The following DNAJB6 variants were observed in gnomAD, a reference collection of about 807,000 sequenced individuals.
The protein encoded by DNAJB6 is dnaJ homolog subfamily B member 6.
In DNAJB6, 16 loss-of-function variants were observed where a neutral mutation model predicts 42.7. The observed-to-expected ratio is 0.37, with a 90% CI of 0.25 to 0.57. DNAJB6 has a LOEUF of 0.57. DNAJB6 is among the 20% of genes least tolerant of loss of function. DNAJB6 has a pLI of 0.74. For missense variants in DNAJB6, 347 were observed against 416.8 expected, an observed-to-expected ratio of 0.83 and a Z score of 1.46; for synonymous variants, 170 against 163.5, an observed-to-expected ratio of 1.04 and a Z score of -0.30.
At chr7:157,388,153 T>TA (rs1801166884) in intron 8 of DNAJB6, among the ~76,000 whole-genome samples, 1 of 152,316 alleles carries the variant, frequency 6.6e-6, no homozygotes, top group Middle Eastern at 3.4e-3. Context: ...GCTGAGAAAA[T>TA]TACTTTTATT....
chr7:157,391,706 A>G (rs1801352152), intron 8 of DNAJB6, among the ~76,000 whole-genome samples: 1 of 152,226 alleles, frequency 6.6e-6, no homozygotes, highest in Admixed American at 6.5e-5. Context: ...TTTCCACATA[A>G]TATTTAAGGT....
intron 5 of DNAJB6, among the ~76,000 whole-genome samples, chr7:157,377,531 A>G (rs1209329230): frequency 2.0e-5 from 3 of 152,230 alleles, no homozygotes; most frequent in Non-Finnish European, 2.9e-5. Context: ...GAAGGTGCTC[A>G]CGACTCTAAC....
intron 8 of DNAJB6, among the ~76,000 whole-genome samples, chr7:157,389,469 C>T (rs777528993): frequency 6.6e-6 from 1 of 152,118 alleles, no homozygotes; most frequent in Non-Finnish European, 1.5e-5. Context: ...TACTTGGTTT[C>T]GTGGGGTCTG....
At chr7:157,373,570 C>G (rs192541819) in intron 5 of DNAJB6, among the ~76,000 whole-genome samples, 5 of 152,312 alleles carry the variant, frequency 3.3e-5, no homozygotes, top group African/African-American at 9.6e-5. Flanking sequence ...AGGCTAGTCT[C>G]GAACTTCTGA....
intron 1 of DNAJB6, among the ~76,000 whole-genome samples, chr7:157,348,118 A>G (rs1171874773): frequency 6.9e-6 from 1 of 143,932 alleles, no homozygotes; most frequent in African/African-American, 2.6e-5. Context: ...TTTGAGATGG[A>G]GTCTTGCTCT....
chr7:157,376,497 C>G (rs1001953066), intron 5 of DNAJB6, among the ~76,000 whole-genome samples: 1 of 152,110 alleles, frequency 6.6e-6, no homozygotes, highest in African/African-American at 2.4e-5. Flanking sequence ...GTATTCTGAG[C>G]CAAATATAAG....
chr7:157,365,255 A>G (rs1055578950), intron 3 of DNAJB6, among the ~76,000 whole-genome samples: 2 of 152,368 alleles, frequency 1.3e-5, no homozygotes, highest in South Asian at 2.1e-4. Flanking sequence ...CATCCAGCCT[A>G]TGAGATTTTT....
chr7:157,387,455 C>T (rs111711111), intron 8 of DNAJB6, among the ~76,000 whole-genome samples: 12 of 152,250 alleles, frequency 7.9e-5, no homozygotes, highest in African/African-American at 2.6e-4. Flanking sequence ...GCCATCAGGA[C>T]GGGTGGTTTT....
intron 8 of DNAJB6, among the ~76,000 whole-genome samples, chr7:157,404,636 G>A (rs144020626): frequency 0.017 from 2,557 of 151,260 alleles, 34 homozygotes; most frequent in East Asian, 0.042. Context: ...TGAGCCTCCC[G>A]AGTAACTGGG....
Position 157,347,412 on chromosome 7 carries a change from G to C in DNAJB6, c.-27+10268G>C, listed in dbSNP as rs149440998. On this transcript the variant is annotated intron_variant, in intron 1 of 9. Transcript: ENST00000262177. ...AAAGATGCAGTGTCTTTGGTATGTT[G>C]CCCAGGTTGAACTCAGACTCCTGGG... Among the ~76,000 whole-genome samples, 11 of 152,294 alleles carry C rather than the reference G, an allele frequency of 7.2e-5. No individual in the cohort carries two copies. In the East Asian group the frequency reaches 2.1e-3, roughly 29 times the overall value.
At chr7:157,396,079 C>G in intron 8 of DNAJB6, among the ~76,000 whole-genome samples, 1 of 151,904 alleles carries the variant, frequency 6.6e-6, no homozygotes, top group East Asian at 1.9e-4. Flanking sequence ...TCCTGAATAG[C>G]TAGGACTACT....
chr7:157,340,361 A>G (rs1292456862), intron 1 of DNAJB6, among the ~76,000 whole-genome samples: 1 of 152,192 alleles, frequency 6.6e-6, no homozygotes, highest in Non-Finnish European at 1.5e-5. Context: ...GGCAGGATTT[A>G]GCAAATGGTG....
At chr7:157,338,091 G>C (rs1465871290) in intron 1 of DNAJB6, among the ~76,000 whole-genome samples, 1 of 152,160 alleles carries the variant, frequency 6.6e-6, no homozygotes, top group Admixed American at 6.5e-5. Context: ...ATTTTAGTAA[G>C]GATTTGTCGC....
chr7:157,344,590 T>C (rs1282947939), intron 1 of DNAJB6, among the ~76,000 whole-genome samples: 4 of 152,138 alleles, frequency 2.6e-5, no homozygotes, highest in Non-Finnish European at 5.9e-5. Context: ...CCTGAAATTA[T>C]TTGTTTTTTT....
intron 8 of DNAJB6, among the ~76,000 whole-genome samples, chr7:157,397,078 C>G (rs747347791): frequency 6.6e-6 from 1 of 152,174 alleles, no homozygotes; most frequent in African/African-American, 2.4e-5. Flanking sequence ...CGTGTGCACG[C>G]GGTGTGTGTG....
At chr7:157,372,034 A>T in intron 5 of DNAJB6, 1 of 152,336 alleles carries the variant, frequency 6.6e-6, no homozygotes, top group Admixed American at 6.5e-5. Flanking sequence ...TGTGGTATGT[A>T]GAACCAAGGA....
intron 1 of DNAJB6, among the ~76,000 whole-genome samples, chr7:157,347,873 C>G (rs1048565566): frequency 2.0e-5 from 3 of 151,862 alleles, no homozygotes; most frequent in Non-Finnish European, 2.9e-5. Context: ...TTGGTTTACT[C>G]CAACCTCTGC....
intron 5 of DNAJB6, chr7:157,370,841 T>C (rs1800173218): frequency 6.6e-6 from 1 of 152,630 alleles, no homozygotes; most frequent in African/African-American, 2.4e-5. Flanking sequence ...CTGCTATATG[T>C]ATGTAGTCAC....
At chr7:157,355,801 T>C (rs1346151463) in intron 1 of DNAJB6, among the ~76,000 whole-genome samples, 1 of 152,096 alleles carries the variant, frequency 6.6e-6, no homozygotes, top group Non-Finnish European at 1.5e-5. Flanking sequence ...TTTGATGGAG[T>C]GCTGCATGAA....
Sources: allele counts gnomAD v4.1 joint callset (sites outside exome capture counted in the v4.1 genomes callset), GRCh38; gene constraint gnomAD v4.1.1; transcripts MANE v1.5; gene names NCBI Gene and HGNC (gene_info 2026-07-23, HGNC 2026-07-21).